Variants in SLIT3 observed in about 807,000 individuals in gnomAD.
The protein encoded by SLIT3 is slit guidance ligand 3.
In SLIT3, 68 loss-of-function variants were observed where a neutral mutation model predicts 184.0. That is an observed-to-expected ratio of 0.37 (90% CI 0.30 to 0.45). SLIT3 has a LOEUF of 0.45. Ranked by LOEUF, SLIT3 falls within the 20% of genes least tolerant of loss-of-function variation. The pLI is 1.00. For synonymous variants in SLIT3, 831 were observed against 828.6 expected, an observed-to-expected ratio of 1.00 and a Z score of -0.05; for missense variants, 1,707 against 2,026.0, an observed-to-expected ratio of 0.84 and a Z score of 3.02.
chr5:168,805,639 T>A (rs185348747), intron 9 of SLIT3, among the ~76,000 whole-genome samples: 63 of 152,272 alleles, frequency 4.1e-4, no homozygotes, highest in Middle Eastern at 6.8e-3. Flanking sequence ...GACAAACACA[T>A]TTTACTGGAA....
At chr5:169,287,955 G>A (rs529903323) in intron 1 of SLIT3, among the ~76,000 whole-genome samples, 7 of 152,224 alleles carry the variant, frequency 4.6e-5, no homozygotes, top group South Asian at 2.1e-4. Flanking sequence ...CTTCCCCATC[G>A]CCTACCCCAT....
chr5:168,868,579 C>T (rs1759393078), intron 5 of SLIT3, among the ~76,000 whole-genome samples: 1 of 151,954 alleles, frequency 6.6e-6, no homozygotes, highest in African/African-American at 2.4e-5. Flanking sequence ...GAAACCCTGT[C>T]TCTACTAAAA....
intron 4 of SLIT3, among the ~76,000 whole-genome samples, chr5:168,971,605 T>A (rs1438354370): frequency 6.6e-6 from 1 of 152,212 alleles, no homozygotes; most frequent in Non-Finnish European, 1.5e-5. Context: ...TCCCAGGATA[T>A]CTGTCTTCAA....
In SLIT3 at chr5:169,286,930, G is replaced by A. The variant is rs550771361; in HGVS notation, c.197+13583C>T. 1.1e-4 allele frequency among the ~76,000 whole-genome samples: 16 copies of A among 152,238 alleles called. No individual in the cohort carries two copies. The East Asian group carries it at 3.1e-3, about 29-fold the overall frequency. ...GGAAGAGAGCTTCCTGACTGAATAT[G>A]GCTTGAATCAGCATGCAGCTCCAGT... On this transcript the variant is annotated intron_variant, in intron 1 of 35. Coordinates refer to ENST00000519560, the MANE Select transcript of SLIT3 (RefSeq NM_003062.4).
At chr5:169,252,435 T>C (rs929201949) in intron 1 of SLIT3, among the ~76,000 whole-genome samples, 5 of 152,134 alleles carry the variant, frequency 3.3e-5, no homozygotes, top group East Asian at 1.9e-4. Flanking sequence ...GCAGCATGGA[T>C]GATGGAAAAA....
intron 4 of SLIT3, among the ~76,000 whole-genome samples, chr5:168,980,319 C>G (rs946400109): frequency 3.3e-5 from 5 of 152,082 alleles, no homozygotes; most frequent in African/African-American, 1.2e-4. Flanking sequence ...AAAAATGCAT[C>G]CTTGCTTGTA....
intron 4 of SLIT3, among the ~76,000 whole-genome samples, chr5:168,913,716 G>A (rs1054553238): frequency 1.3e-4 from 18 of 139,644 alleles, no homozygotes; most frequent in Admixed American, 9.1e-4. Flanking sequence ...ACTCCAGCCT[G>A]GGCAACAAGA....
intron 1 of SLIT3, among the ~76,000 whole-genome samples, chr5:169,261,023 T>C (rs534605433): frequency 4.6e-5 from 7 of 152,366 alleles, no homozygotes; most frequent in African/African-American, 1.7e-4. Flanking sequence ...AGACAATATA[T>C]AAATAAATGA....
At chr5:169,258,260 T>A (rs77894396) in intron 1 of SLIT3, among the ~76,000 whole-genome samples, 5 of 152,250 alleles carry the variant, frequency 3.3e-5, no homozygotes, top group African/African-American at 4.8e-5. Context: ...GCATTTTTTT[T>A]ATACTGCATC....
At chr5:169,056,422 C>T (rs943914363) in intron 4 of SLIT3, among the ~76,000 whole-genome samples, 1 of 152,170 alleles carries the variant, frequency 6.6e-6, no homozygotes, top group African/African-American at 2.4e-5. Flanking sequence ...TGACCATCTG[C>T]TGCCTTCCCA....
intron 35 of SLIT3, 43 bp from the exon 36 acceptor site, chr5:168,666,732 C>T (rs1287019672): frequency 6.2e-7 from 1 of 1,612,980 alleles, no homozygotes; most frequent in African/African-American, 1.3e-5. Flanking sequence ...GTCTAGGTGG[C>T]CAGCAGGACC....
chr5:168,872,789 C>T (rs1000607676), intron 5 of SLIT3, among the ~76,000 whole-genome samples: 7 of 151,718 alleles, frequency 4.6e-5, no homozygotes, highest in Admixed American at 6.6e-5. Context: ...TACAGGCACC[C>T]GCCACCACAC....
chr5:168,755,376 C>T (rs1024135532), intron 16 of SLIT3, among the ~76,000 whole-genome samples: 27 of 135,934 alleles, frequency 2.0e-4, no homozygotes, highest in African/African-American at 6.9e-4. Context: ...CCTATCAAAC[C>T]CTCAGTGCCG....
chr5:168,903,076 G>A (rs1330943421), intron 4 of SLIT3, among the ~76,000 whole-genome samples: 1 of 152,332 alleles, frequency 6.6e-6, no homozygotes, highest in South Asian at 2.1e-4. Context: ...TCAATCAGCA[G>A]ACCAACAGGC....
chr5:168,842,469 G>GT (rs778998998), intron 6 of SLIT3, among the ~76,000 whole-genome samples: 1,533 of 87,988 alleles, frequency 0.017, 75 homozygotes, highest in African/African-American at 0.043. Flanking sequence ...CCGTTTTTTC[G>GT]TTTTTTTTTT....
At chr5:169,163,018 G>T (rs989351770) in intron 4 of SLIT3, among the ~76,000 whole-genome samples, 5 of 152,046 alleles carry the variant, frequency 3.3e-5, no homozygotes, top group African/African-American at 1.2e-4. Context: ...GAAGAAAATG[G>T]CTCTGATGAT....
chr5:169,007,232 T>C (rs1755969006), intron 4 of SLIT3, among the ~76,000 whole-genome samples: 1 of 152,056 alleles, frequency 6.6e-6, no homozygotes, highest in African/African-American at 2.4e-5. Flanking sequence ...TGTGAAACTG[T>C]GACTCAAATA....
At position 168,666,304 on chromosome 5, in the gene SLIT3, G is replaced by A. The variant is rs1041126694; in HGVS notation, c.*150C>T. On this transcript the variant is annotated 3_prime_UTR_variant, in exon 36 of 36. Coordinates refer to ENST00000519560, the MANE Select transcript of SLIT3 (RefSeq NM_003062.4). ...ATAATAAAAATAAGTTCTATTTTTT[G>A]TTTATTTTACAATATACTTAATATT... 3 of 672,084 alleles carry A rather than the reference G, an allele frequency of 4.5e-6. No individual in the cohort carries two copies. The African/African-American group carries it at 5.5e-5, about 12-fold the overall frequency. The allele number at this position is 672,084 out of a possible 1,614,324, so 41.6% of individuals were successfully genotyped here. A position where few individuals can be genotyped will look rare whatever the true frequency, so the allele number is the denominator to read the frequency against.
At chr5:168,847,800 T>G (rs1332215872) in intron 5 of SLIT3, among the ~76,000 whole-genome samples, 1 of 152,150 alleles carries the variant, frequency 6.6e-6, no homozygotes, top group Non-Finnish European at 1.5e-5. Context: ...TTTAGCAGTT[T>G]GCTTCTGGGG....
Sources: allele counts gnomAD v4.1 joint callset (sites outside exome capture counted in the v4.1 genomes callset), GRCh38; gene constraint gnomAD v4.1.1; transcripts MANE v1.5; gene names NCBI Gene and HGNC (gene_info 2026-07-23, HGNC 2026-07-21).